Variants in WDR72 observed in about 807,000 individuals in gnomAD.
The protein encoded by WDR72 is WD repeat-containing protein 72.
In WDR72, 120 loss-of-function variants were observed where a neutral mutation model predicts 124.2. The observed-to-expected ratio is 0.97, with a 90% CI of 0.83 to 1.12. The LOEUF is 1.12. Among genes scored for constraint, WDR72 ranks in the 50% most tolerant of loss-of-function variants. The pLI is 0.00. For synonymous variants in WDR72, 452 were observed against 441.7 expected, an observed-to-expected ratio of 1.02 and a Z score of -0.29; for missense variants, 1,387 against 1,278.8, an observed-to-expected ratio of 1.08 and a Z score of -1.29.
Position 53,514,541 on chromosome 15 carries a change from AAAG to A in WDR72, c.*3155_*3157del, listed in dbSNP as rs1891330924. 6.6e-6 allele frequency: 1 copy of A among 152,168 alleles called. No individual in the cohort carries two copies. The highest frequency in any genetic ancestry group is 1.5e-5 in the Non-Finnish European group (1 of 68,018). 9.4% of individuals were successfully genotyped at this position (152,168 alleles called of 1,614,324 possible). A position where few individuals can be genotyped will look rare whatever the true frequency, so the allele number is the denominator to read the frequency against. ...AGAACACTGGAAAAAATGTATGAGA[AAAG>A]AAATAAAAGTCACCAAATGCTATCA... On this transcript the variant is annotated 3_prime_UTR_variant, in exon 20 of 20. Coordinates refer to ENST00000360509, the MANE Select transcript of WDR72 (RefSeq NM_182758.4).
chr15:53,623,804 C>T lies in WDR72; in HGVS notation c.1963-7561G>A, dbSNP rs73408269. ...GTATACATTCCCACTTACAAATATA[C>T]ACTGTATAAGTATTCCCTGTTTTCT... On this transcript the variant is annotated intron_variant, in intron 14 of 19. Coordinates refer to ENST00000360509, the MANE Select transcript of WDR72 (RefSeq NM_182758.4). Among the ~76,000 whole-genome samples, 1,466 of 152,150 alleles carry T rather than the reference C, an allele frequency of 9.6e-3. 34 individuals are homozygous for T. Among genetic ancestry groups the T allele is most frequent in the African/African-American group, 0.034 (1,414 of 41,486 alleles).
chr15:53,686,331 A>T (rs1374029317), intron 13 of WDR72, among the ~76,000 whole-genome samples: 1 of 152,140 alleles, frequency 6.6e-6, no homozygotes, highest in African/African-American at 2.4e-5. Context: ...ACGTGCAGAG[A>T]CACACATAGG....
intron 18 of WDR72, among the ~76,000 whole-genome samples, chr15:53,536,715 C>T (rs764816443): frequency 1.1e-4 from 17 of 152,160 alleles, no homozygotes; most frequent in Admixed American, 3.3e-4. Context: ...GATCTTTTAA[C>T]GGCATTGAAG....
intron 13 of WDR72, among the ~76,000 whole-genome samples, chr15:53,685,306 A>G (rs2016576932): frequency 7.4e-6 from 1 of 135,072 alleles, no homozygotes; most frequent in South Asian, 2.6e-4. Flanking sequence ...GAAGTTGAAA[A>G]CTTTGAAAAA....
chr15:53,720,276 C>G (rs1422152638), intron 3 of WDR72, among the ~76,000 whole-genome samples: 1 of 152,154 alleles, frequency 6.6e-6, no homozygotes, highest in African/African-American at 2.4e-5. Flanking sequence ...TCTTTACCCA[C>G]CTCTAGAACA....
chr15:53,688,466 GCTTC>G (rs1275348657), intron 13 of WDR72, among the ~76,000 whole-genome samples: 7 of 151,592 alleles, frequency 4.6e-5, no homozygotes, highest in Non-Finnish European at 4.4e-5. Context: ...ATTCACAATT[GCTTC>G]AAAGAGAATA....
chr15:53,653,507 T>C (rs78791429), intron 14 of WDR72, among the ~76,000 whole-genome samples: 1,999 of 152,256 alleles, frequency 0.013, 33 homozygotes, highest in East Asian at 0.069. Flanking sequence ...AGTGGAAATA[T>C]GAGTTTCTTT....
intron 18 of WDR72, among the ~76,000 whole-genome samples, chr15:53,531,079 C>T (rs561082749): frequency 9.9e-5 from 15 of 152,158 alleles, no homozygotes; most frequent in South Asian, 2.1e-4. Flanking sequence ...ATCTAGACTA[C>T]GTCTCCATTT....
chr15:53,671,536 A>G (rs2015989086), intron 13 of WDR72, among the ~76,000 whole-genome samples: 1 of 152,214 alleles, frequency 6.6e-6, no homozygotes, highest in Non-Finnish European at 1.5e-5. Flanking sequence ...AAGAAATTGA[A>G]GAATTTTATC....
chr15:53,732,801 A>C (rs945865016), intron 2 of WDR72, among the ~76,000 whole-genome samples, 196 bp downstream of exon 2: 4 of 152,216 alleles, frequency 2.6e-5, no homozygotes, highest in African/African-American at 9.6e-5. Flanking sequence ...TATTCATAAT[A>C]TAATTTTCAA....
At chr15:53,680,023 C>T (rs993018160) in intron 13 of WDR72, among the ~76,000 whole-genome samples, 2 of 150,962 alleles carry the variant, frequency 1.3e-5, no homozygotes, top group Non-Finnish European at 1.5e-5. Flanking sequence ...GGTTATGTTG[C>T]TTTACTACAA....
chr15:53,704,816 T>TAA (rs35150329), intron 11 of WDR72, among the ~76,000 whole-genome samples, 172 bp downstream of exon 11: 7,877 of 136,118 alleles, frequency 0.058, 325 homozygotes, highest in African/African-American at 0.11. Flanking sequence ...ACAGGGAGTT[T>TAA]AAAAAAAAAA....
chr15:53,677,904 C>T (rs1051863345), intron 13 of WDR72, among the ~76,000 whole-genome samples: 3 of 152,048 alleles, frequency 2.0e-5, no homozygotes, highest in African/African-American at 4.8e-5. Context: ...AAAACAATCC[C>T]GTTAACTGCA....
chr15:53,736,335 T>TG (rs1457723152), intron 1 of WDR72, among the ~76,000 whole-genome samples: 1 of 151,942 alleles, frequency 6.6e-6, no homozygotes, highest in Non-Finnish European at 1.5e-5. Flanking sequence ...TGTCCAAATG[T>TG]GGGGGCAGCT....
intron 14 of WDR72, among the ~76,000 whole-genome samples, chr15:53,639,865 A>C (rs1303368719): frequency 6.6e-6 from 1 of 152,146 alleles, no homozygotes. Context: ...TGGAGTTCCC[A>C]TGACATTCTA....
chr15:53,670,926 G>T (rs2015963427), intron 13 of WDR72, among the ~76,000 whole-genome samples: 1 of 152,064 alleles, frequency 6.6e-6, no homozygotes, highest in Non-Finnish European at 1.5e-5. Context: ...GGCCAGCTTG[G>T]GCCCCCAGGG....
chr15:53,636,963 TTAAG>T, intron 14 of WDR72, among the ~76,000 whole-genome samples: 1 of 152,322 alleles, frequency 6.6e-6, no homozygotes, highest in South Asian at 2.1e-4. Flanking sequence ...CTCACCATAA[TTAAG>T]TTCTAGAACA....
chr15:53,728,572 T>G (rs978055605), intron 2 of WDR72, among the ~76,000 whole-genome samples: 1 of 152,222 alleles, frequency 6.6e-6, no homozygotes, highest in East Asian at 1.9e-4. Flanking sequence ...AAGATCTCCA[T>G]TCTTTGTCTC....
chr15:53,621,471 C>T (rs931890786), intron 14 of WDR72, among the ~76,000 whole-genome samples: 3 of 132,146 alleles, frequency 2.3e-5, no homozygotes, highest in South Asian at 4.5e-4. Context: ...TAGAGTACTA[C>T]TCAGCTGTAA....
Sources: allele counts gnomAD v4.1 joint callset (sites outside exome capture counted in the v4.1 genomes callset), GRCh38; gene constraint gnomAD v4.1.1; transcripts MANE v1.5; gene names NCBI Gene and HGNC (gene_info 2026-07-23, HGNC 2026-07-21).